The following ANK2 variants were observed in gnomAD, a reference collection of about 807,000 sequenced individuals.
ANK2 encodes ankyrin-2.
In ANK2, 83 loss-of-function variants were observed where a neutral mutation model predicts 360.5. The observed-to-expected ratio is 0.23, with a 90% CI of 0.19 to 0.28. ANK2 has a LOEUF of 0.28. Ranked by LOEUF, ANK2 falls within the 10% of genes least tolerant of loss-of-function variation. ANK2 has a pLI of 1.00. For synonymous variants in ANK2, 1,740 were observed against 1,759.5 expected (o/e 0.99, Z 0.28); for missense variants, 4,201 against 4,795.7 (o/e 0.88, Z 3.66).
At chr4:112,743,554 C>CTTTTTT in the ANK2 span, among the ~76,000 whole-genome samples, 2 of 105,882 alleles carry the variant, frequency 1.9e-5, no homozygotes, top group African/African-American at 7.4e-5. Flanking sequence ...CTTTTCTATC[C>CTTTTTT]TTTTTTTTTT....
intron 2 of ANK2, among the ~76,000 whole-genome samples, chr4:113,182,429 C>T (rs898733397): frequency 5.3e-5 from 8 of 151,984 alleles, no homozygotes; most frequent in Non-Finnish European, 1.0e-4. Context: ...TATTCAAAAC[C>T]GTGTTACTGC....
chr4:112,957,749 C>G (rs1176110827), intron 2 of ANK2, among the ~76,000 whole-genome samples: 1 of 152,062 alleles, frequency 6.6e-6, no homozygotes, highest in Admixed American at 6.5e-5. Flanking sequence ...ACGCTCCTCA[C>G]TTCCCAGACG....
chr4:113,342,989 A>G (rs1168751766), intron 33 of ANK2, 28 bp from the exon 34 acceptor site: 35 of 1,613,182 alleles, frequency 2.2e-5, no homozygotes, highest in Non-Finnish European at 2.9e-5. Flanking sequence ...CAGCTACTTT[A>G]TTGTTATTTC....
At chr4:112,951,436 A>C (rs139403903) in intron 2 of ANK2, among the ~76,000 whole-genome samples, 3 of 152,252 alleles carry the variant, frequency 2.0e-5, no homozygotes, top group Admixed American at 1.3e-4. Context: ...AAAGATCATA[A>C]TTTCCTTTTC....
At chr4:113,272,917 ATTG>A (rs1227151919) in intron 14 of ANK2, among the ~76,000 whole-genome samples, 1 of 152,164 alleles carries the variant, frequency 6.6e-6, no homozygotes, top group East Asian at 1.9e-4. Context: ...TGGTTTTTAA[ATTG>A]TTGTTTGTTT....
At chr4:113,139,356 A>G (rs376123198) in intron 1 of ANK2, among the ~76,000 whole-genome samples, 1 of 152,178 alleles carries the variant, frequency 6.6e-6, no homozygotes, top group Admixed American at 6.5e-5. Context: ...GAAACTTACT[A>G]CAAGTGTTTA....
At position 113,150,007 on chromosome 4, in the gene ANK2, T is replaced by TAGAGAATTCACTGGCTGC. The variant is rs1423635999; in HGVS notation, c.85-24407_85-24390dup. Reference sequence around the variant, plus strand: ...GTAATCAATTAACTATAAAAGGTAGTAGAGAATTCACTGGCTGCACGAGTG... The same window carrying TAGAGAATTCACTGGCTGC: ...GTAATCAATTAACTATAAAAGGTAGTAGAGAATTCACTGGCTGCAGAGAATTCACTGGCTGCACGAGTG... On this transcript the variant is annotated intron_variant, in intron 1 of 45. Coordinates refer to ENST00000357077, the MANE Select transcript of ANK2 (RefSeq NM_001148.6). Among the ~76,000 whole-genome samples, 34 of 151,076 alleles carry TAGAGAATTCACTGGCTGC rather than the reference T, an allele frequency of 2.3e-4. No individual in the cohort carries two copies. The East Asian group carries it at 6.6e-3, about 29-fold the overall frequency.
rs550213646 is a variant in ANK2 at position 112,969,913 on chromosome 4, G to A, written c.21+65399G>A. On this transcript the variant is annotated intron_variant, in intron 2 of 30. Coordinates refer to the ANK2 transcript ENST00000503271. ...AAAGACTAATATCTAATTCCAAACA[G>A]TTTTTGATGCAGGCCCCTGTCATAT... Among the ~76,000 whole-genome samples the A allele has an allele frequency of 5.7e-4, 87 of 152,158 alleles. 1 individual carries two copies. The highest frequency in any genetic ancestry group is 2.0e-3 in the African/African-American group (85 of 41,544).
the ANK2 span, among the ~76,000 whole-genome samples, chr4:112,773,255 T>C: frequency 2.6e-5 from 4 of 152,278 alleles, no homozygotes; most frequent in East Asian, 3.9e-4. Flanking sequence ...AAGTTGGGGC[T>C]GTGGTGAGCC....
Position 113,382,029 on chromosome 4 carries a change from C to CCTG in ANK2, c.*558_*559insCTG. On this transcript the variant is annotated 3_prime_UTR_variant, in exon 46 of 46. Coordinates refer to ENST00000357077, the MANE Select transcript of ANK2 (RefSeq NM_001148.6). ...GAATATCTATGTACAATGTATATAG[C>CCTG]TGAAATGCTCAGATGAACAACATAT... 2 of 212,150 alleles carry CCTG rather than the reference C, an allele frequency of 9.4e-6. No individual in the cohort carries two copies. The highest frequency in any genetic ancestry group is 2.0e-5 in the Non-Finnish European group (2 of 102,362). 13.1% of individuals were successfully genotyped at this position (212,150 alleles called of 1,614,324 possible). A position where few individuals can be genotyped will look rare whatever the true frequency, so the allele number is the denominator to read the frequency against.
chr4:113,358,873 G>A lies in ANK2; in HGVS notation c.10255G>A (p.Glu3419Lys). Residue 3419 changes from glutamate to lysine, a missense_variant, in exon 38 of 46, where the codon GAG becomes AAG. Transcript: ENST00000357077. The part of the protein sequence containing the change: ...SYTETETESR[E>K]RAEELELESE... ...CACTGAGACAGAAACAGAGAGCAGA[G>A]AGAGGGCCGAGGAACTTGAGTTAGA... The A allele has an allele frequency of 6.2e-7, 1 of 1,614,088 alleles. No individual in the cohort carries two copies. Among genetic ancestry groups the A allele is most frequent in the Non-Finnish European group, 8.5e-7 (1 of 1,179,970 alleles).
At chr4:113,112,365 T>C (rs1353107416) in intron 1 of ANK2, among the ~76,000 whole-genome samples, 1 of 152,184 alleles carries the variant, frequency 6.6e-6, no homozygotes, top group Admixed American at 6.5e-5. Flanking sequence ...TGTTGCACAC[T>C]CATCTTTGTC....
intron 1 of ANK2, among the ~76,000 whole-genome samples, chr4:113,076,454 T>C (rs1215233307): frequency 6.6e-6 from 1 of 152,184 alleles, no homozygotes; most frequent in Non-Finnish European, 1.5e-5. Context: ...TTGAAGGAGA[T>C]GATATTAGAA....
intron 2 of ANK2, among the ~76,000 whole-genome samples, chr4:113,032,473 G>A (rs2060624146): frequency 6.6e-6 from 1 of 151,998 alleles, no homozygotes; most frequent in Non-Finnish European, 1.5e-5. Flanking sequence ...TATTACAGGG[G>A]GATTCCATGA....
chr4:113,254,829 T>C (rs1253349744), intron 10 of ANK2, among the ~76,000 whole-genome samples: 1 of 152,234 alleles, frequency 6.6e-6, no homozygotes, highest in Non-Finnish European at 1.5e-5. Context: ...AACTGGATAC[T>C]TGGCGAACAA....
At chr4:112,826,709 A>G in intron 1 of ANK2, 1 of 839,024 alleles carries the variant, frequency 1.2e-6, no homozygotes, top group South Asian at 1.6e-5. Context: ...AGACAATGCC[A>G]GTGAACACCA....
chr4:113,124,041 C>G (rs2095522615), intron 1 of ANK2, among the ~76,000 whole-genome samples: 1 of 152,092 alleles, frequency 6.6e-6, no homozygotes, highest in Non-Finnish European at 1.5e-5. Flanking sequence ...TAACTTTGCC[C>G]TAATGGAATA....
intron 2 of ANK2, among the ~76,000 whole-genome samples, chr4:112,950,954 C>T (rs1333053223): frequency 6.7e-6 from 1 of 149,644 alleles, no homozygotes; most frequent in African/African-American, 2.4e-5. Flanking sequence ...TAGTGGCGGG[C>T]GCCTGTAGTC....
chr4:113,235,758 T>A (rs2099367395), intron 5 of ANK2, among the ~76,000 whole-genome samples: 1 of 150,824 alleles, frequency 6.6e-6, no homozygotes, highest in Admixed American at 6.6e-5. Context: ...TTTCTTTTTT[T>A]TGAGATGGAG....
Sources: allele counts gnomAD v4.1 joint callset (sites outside exome capture counted in the v4.1 genomes callset), GRCh38; gene constraint gnomAD v4.1.1; transcripts MANE v1.5; gene names NCBI Gene and HGNC (gene_info 2026-07-23, HGNC 2026-07-21).